Variants in MUC17 observed in about 807,000 individuals in gnomAD.
The protein encoded by MUC17 is mucin-17.
In MUC17, 190 loss-of-function variants were observed where a neutral mutation model predicts 170.3. The ratio of observed to expected loss-of-function variants is 1.12; its 90% CI spans 0.99 to 1.26. MUC17 has a LOEUF of 1.26. Ranked by LOEUF, MUC17 falls within the 50% of genes most tolerant of loss-of-function variation. The probability of loss-of-function intolerance (pLI) is 0.00; values close to 1 mark genes in which losing one functional copy is unlikely to be tolerated. For synonymous variants in MUC17, 2,325 were observed against 2,002.5 expected, an observed-to-expected ratio of 1.16 and a Z score of -4.30; for missense variants, 6,415 against 5,530.0, an observed-to-expected ratio of 1.16 and a Z score of -5.08.
intron 1 of MUC17, among the ~76,000 whole-genome samples, chr7:101,025,400 C>T (rs1344581570): frequency 6.7e-6 from 1 of 149,160 alleles, no homozygotes; most frequent in African/African-American, 2.5e-5. Context: ...TGGTGGCTTA[C>T]ACCTGTAATC....
Position 101,043,500 on chromosome 7 carries a change from T to A in MUC17, c.12084T>A (p.Leu4028=). 1 of 1,614,154 alleles carries A rather than the reference T, an allele frequency of 6.2e-7. No individual in the cohort carries two copies. Among genetic ancestry groups the A allele is most frequent in the Non-Finnish European group, 8.5e-7 (1 of 1,180,022 alleles). Residue 4028 remains leucine, a synonymous_variant, in exon 3 of 13, where the codon CTT becomes CTA. Coordinates refer to ENST00000306151, the MANE Select transcript of MUC17 (RefSeq NM_001040105.2). ...GCTGCACTACTTCTGCATCAACGCTTTCTGCAACCAGTACACCTCACACCT... is the reference window on the plus strand; with the variant it reads ...GCTGCACTACTTCTGCATCAACGCTATCTGCAACCAGTACACCTCACACCT... The part of the protein sequence containing the change: ...SRGCTTSAST[L]SATSTPHTST...
chr7:101,046,340 G>A (rs1209753069), intron 3 of MUC17, among the ~76,000 whole-genome samples: 1 of 152,154 alleles, frequency 6.6e-6, no homozygotes, highest in African/African-American at 2.4e-5. Context: ...ATCTGCCCAG[G>A]CACAGCGAGT....
chr7:101,035,946 T>A lies in MUC17; in HGVS notation c.4530T>A (p.Ser1510Arg), dbSNP rs746654688. The A allele has an allele frequency of 2.5e-5, 41 of 1,612,614 alleles. No homozygotes were observed. The highest frequency in any genetic ancestry group is 5.3e-5 in the African/African-American group (4 of 74,814). The change falls in exon 3 of 13, where the codon AGT becomes AGA. Residue 1510 changes from serine (S) to arginine (R), a missense_variant. Ser to Arg is a moderately radical substitution (Grantham distance 110, BLOSUM62 -1). Coordinates refer to ENST00000306151, the MANE Select transcript of MUC17 (RefSeq NM_001040105.2). ...CCAGCATAGCAATCTCAACGCCTAG[T>A]GAAGGAAGCACTGCATTAACAAGTA... ...EGTSIAISTP[S>R]EGSTALTSIP...
At position 101,031,775 on chromosome 7, in the gene MUC17, A is replaced by G. The variant is rs749483762; in HGVS notation, c.359A>G (p.Glu120Gly). The change falls in exon 3 of 13, where the codon GAA becomes GGA. Residue 120 changes from glutamate (E) to glycine (G), a missense_variant. Glu to Gly is a moderately conservative substitution (Grantham distance 98). Coordinates refer to ENST00000306151, the MANE Select transcript of MUC17 (RefSeq NM_001040105.2). Reference protein sequence around the residue: ...MTPTESRTTSESTSDSTTLFP... With the variant: ...MTPTESRTTSGSTSDSTTLFP... ...CCAACAGAATCCAGAACAACTTCAG[A>G]ATCTACCAGTGACAGCACCACACTT... is the stretch of plus-strand genomic sequence containing the variant. 6.2e-7 allele frequency: 1 copy of G among 1,608,100 alleles called. No individual in the cohort carries two copies. The highest frequency in any genetic ancestry group is 2.2e-5 in the East Asian group (1 of 44,844).
At chr7:101,049,060 C>T (rs4515470) in intron 5 of MUC17, 88 bp downstream of exon 5, 2 of 1,583,162 alleles carry the variant, frequency 1.3e-6, no homozygotes, top group Admixed American at 1.7e-5. Flanking sequence ...GGGCTGTTCC[C>T]TTGTTAGATG....
intron 11 of MUC17, among the ~76,000 whole-genome samples, chr7:101,054,101 A>G (rs1023892554): frequency 6.9e-6 from 1 of 144,146 alleles, no homozygotes; most frequent in African/African-American, 2.6e-5. Context: ...AAGAGTACAT[A>G]GGAGGCACCT....
rs764926409 is a variant in MUC17 at position 101,031,913 on chromosome 7, C to T, written c.497C>T (p.Thr166Ile). The T allele has an allele frequency of 3.1e-6, 5 of 1,613,978 alleles. No individual in the cohort carries two copies. The Admixed American group carries it at 8.3e-5, about 27-fold the overall frequency. Residue 166 changes from threonine (T) to isoleucine (I), a missense_variant, in exon 3 of 13, where the codon ACT becomes ATT. Physicochemically the swap from Thr to Ile is moderately conservative, Grantham distance 89. Coordinates refer to ENST00000306151, the MANE Select transcript of MUC17 (RefSeq NM_001040105.2). ...TCATCAACAATGGCTTTTGTCAGCA[C>T]TGCACCTCTTCCCAGTTTTGAGGCC... Reference protein sequence around the residue: ...SISSTMAFVSTAPLPSFEAYT... With the variant: ...SISSTMAFVSIAPLPSFEAYT...
In MUC17 at chr7:101,037,387, C is replaced by T; in HGVS notation, c.5971C>T (p.Pro1991Ser). ...AGGAAGCACTCCACTAACAAGTATG[C>T]CTCTCAGCACCACGCTGGTGGTCAG... ...SEGSTPLTSM[P>S]LSTTLVVSSE... Residue 1991 changes from proline (P) to serine (S), a missense_variant, in exon 3 of 13, where the codon CCT (proline) becomes TCT (serine). Physicochemically the swap from Pro to Ser is moderately conservative, Grantham distance 74 (BLOSUM62 -1). Transcript: ENST00000306151. 6.2e-7 allele frequency: 1 copy of T among 1,613,778 alleles called. No homozygotes were observed. The highest frequency in any genetic ancestry group is 8.5e-7 in the Non-Finnish European group (1 of 1,179,776).
At position 101,039,981 on chromosome 7, in the gene MUC17, A is replaced by G. The variant is rs1794635881; in HGVS notation, c.8565A>G (p.Glu2855=). ...CCAGTTCATCTCCTACAACTGCTGA[A>G]GGTATCGTCGTGCCAATCTCAACTG... ...TKASSSPTTA[E]GIVVPISTAS... The change falls in exon 3 of 13, where the codon GAA becomes GAG. Residue 2855 remains glutamate, a synonymous_variant. Transcript: ENST00000306151. 1.2e-6 allele frequency: 2 copies of G among 1,613,428 alleles called. No individual in the cohort carries two copies. Among genetic ancestry groups the G allele is most frequent in the African/African-American group, 1.3e-5 (1 of 74,886 alleles).
rs140849701 is a variant in MUC17, at chr7:101,036,126, A to T, written c.4710A>T (p.Glu1570Asp). The T allele has an allele frequency of 1.9e-3, 3,042 of 1,613,198 alleles. No homozygotes were observed. The highest frequency in any genetic ancestry group is 2.5e-3 in the Non-Finnish European group (2,914 of 1,179,416). The change falls in exon 3 of 13, where the codon GAA becomes GAT. Residue 1570 changes from glutamate (E) to aspartate (D), a missense_variant. Physicochemically the swap from Glu to Asp is conservative, Grantham distance 45 (BLOSUM62 2). Coordinates refer to ENST00000306151, the MANE Select transcript of MUC17 (RefSeq NM_001040105.2). ...GCATGCAAACCTCAACTTATAGTGA[A>T]GGAAGCACTCCACTAACAAGTTTGC... ...GTSMQTSTYS[E>D]GSTPLTSLPV...
Position 101,040,856 on chromosome 7 carries a change from C to G in MUC17, c.9440C>G (p.Thr3147Arg), listed in dbSNP as rs1420913947. The change falls in exon 3 of 13, where the codon ACA (threonine) becomes AGA (arginine). Residue 3147 changes from threonine (T) to arginine (R), a missense_variant. By Grantham distance (71) the Thr-to-Arg change is moderately conservative. Transcript: ENST00000306151. ...TTSTEAHSSP[T>R]TSEGTSMPTS... The stretch of plus-strand genomic sequence containing the variant: ...TCTACTGAAGCCCATTCATCTCCTA[C>G]AACTTCTGAAGGTACCAGCATGCCA... 1 of 1,613,818 alleles carries G rather than the reference C, an allele frequency of 6.2e-7. No individual in the cohort carries two copies. Among genetic ancestry groups the G allele is most frequent in the South Asian group, 1.1e-5 (1 of 91,052 alleles).
chr7:101,032,396 C>T lies in MUC17; in HGVS notation c.980C>T (p.Ser327Leu). 2 of 1,613,880 alleles carry T rather than the reference C, an allele frequency of 1.2e-6. No homozygotes were observed. Among genetic ancestry groups the T allele is most frequent in the Non-Finnish European group, 1.7e-6 (2 of 1,179,900 alleles). ...GCTGAAGGCACCAGCATACCAACCT[C>T]AACTTATACTGAAGGAAGCACTCCA... Reference protein sequence around the residue: ...TTAEGTSIPTSTYTEGSTPLT... With the variant: ...TTAEGTSIPTLTYTEGSTPLT... Residue 327 changes from serine to leucine, a missense_variant, in exon 3 of 13, where the codon TCA becomes TTA. By Grantham distance (145) the Ser-to-Leu change is moderately radical. Coordinates refer to ENST00000306151, the MANE Select transcript of MUC17 (RefSeq NM_001040105.2).
At position 101,040,166 on chromosome 7, in the gene MUC17, G is replaced by A; in HGVS notation, c.8750G>A (p.Ser2917Asn). ...SSSPTTAEGT[S>N]MPISTPSEVS... ...TCTCCTACAACTGCTGAAGGTACCA[G>A]CATGCCAATCTCAACTCCTAGTGAA... Residue 2917 changes from serine (S) to asparagine (N), a missense_variant, in exon 3 of 13, where the codon AGC becomes AAC. Coordinates refer to ENST00000306151, the MANE Select transcript of MUC17 (RefSeq NM_001040105.2). 5 of 1,612,350 alleles carry A rather than the reference G, an allele frequency of 3.1e-6. No homozygotes were observed. Among genetic ancestry groups the A allele is most frequent in the Non-Finnish European group, 4.2e-6 (5 of 1,179,478 alleles).
chr7:101,023,234 C>A (rs972693571), intron 1 of MUC17, among the ~76,000 whole-genome samples: 1 of 152,064 alleles, frequency 6.6e-6, no homozygotes. Context: ...CAGTTTAACT[C>A]GATCCCCTGC....
intron 3 of MUC17, among the ~76,000 whole-genome samples, chr7:101,045,401 C>CTTTTTCTT: frequency 6.9e-6 from 1 of 144,752 alleles, no homozygotes; most frequent in African/African-American, 2.5e-5. Context: ...TTTTCTTTTT[C>CTTTTTCTT]TTTTTTTTTT....
In MUC17 at chr7:101,042,544, G is replaced by A. The variant is rs370058081; in HGVS notation, c.11128G>A (p.Glu3710Lys). ...CAGCACCACACGTGTGACCAGCTCT[G>A]AGGGTAGCACCCTTTCAACACCTTC... ...PVSTTRVTSS[E>K]GSTLSTPSVV... The change falls in exon 3 of 13, where the codon GAG becomes AAG. Residue 3710 changes from glutamate to lysine, a missense_variant. Coordinates refer to ENST00000306151, the MANE Select transcript of MUC17 (RefSeq NM_001040105.2). 1 of 1,614,036 alleles carries A rather than the reference G, an allele frequency of 6.2e-7. No individual in the cohort carries two copies. Among genetic ancestry groups the A allele is most frequent in the Non-Finnish European group, 8.5e-7 (1 of 1,180,010 alleles).
In MUC17 at chr7:101,039,540, G is replaced by T. The variant is rs774969733; in HGVS notation, c.8124G>T (p.Glu2708Asp). The T allele has an allele frequency of 4.3e-6, 7 of 1,612,210 alleles. No individual in the cohort carries two copies. The highest frequency in any genetic ancestry group is 4.0e-5 in the African/African-American group (3 of 74,732). ...GCACCACGCTGTTGGCCAATTCTGA[G>T]GCTAGCACCCTTTCAACAACTCCTG... ...LVSTTLLANSEASTLSTTPVD... is the reference protein window; with the variant it reads ...LVSTTLLANSDASTLSTTPVD... The change falls in exon 3 of 13, where the codon GAG (glutamate) becomes GAT (aspartate). Residue 2708 changes from glutamate (E) to aspartate (D), a missense_variant. Glu to Asp is a conservative substitution (Grantham distance 45). Coordinates refer to ENST00000306151, the MANE Select transcript of MUC17 (RefSeq NM_001040105.2).
At chr7:101,045,889 C>T (rs1351191930) in intron 3 of MUC17, among the ~76,000 whole-genome samples, 2 of 152,312 alleles carry the variant, frequency 1.3e-5, no homozygotes, top group East Asian at 1.9e-4. Flanking sequence ...CATCTGGTGT[C>T]GGTCACATCT....
Position 101,054,057 on chromosome 7 carries a change from C to CAAAA in MUC17, c.13363+653_13363+656dup, listed in dbSNP as rs58623975. ...CCTGGGCAACAGAACAAGACCCTGT[C>CAAAA]AAAAAAAAAAAAAAAAAAAAAAAAA... On this transcript the variant is annotated intron_variant, in intron 11 of 12. Coordinates refer to ENST00000306151, the MANE Select transcript of MUC17 (RefSeq NM_001040105.2). 6.6e-3 allele frequency among the ~76,000 whole-genome samples: 265 copies of CAAAA among 40,382 alleles called. 20 individuals are homozygous for CAAAA. Among genetic ancestry groups the CAAAA allele is most frequent in the Middle Eastern group, 0.028 (1 of 36 alleles). The allele number at this position is 40,382 out of a possible 152,430, so 26.5% of individuals were successfully genotyped here.
Sources: gnomAD v4.1 joint callset for allele counts (sites outside exome capture counted in the v4.1 genomes callset) on GRCh38, gnomAD v4.1.1 for gene constraint, MANE v1.5 for transcripts, NCBI Gene and HGNC (gene_info 2026-07-23, HGNC 2026-07-21) for gene names.